PI4KA: variants seen among roughly 807,000 people sequenced by gnomAD.
The protein encoded by PI4KA is PI4-kinase alpha.
In PI4KA, 122 loss-of-function variants were observed where a neutral mutation model predicts 271.4. The ratio of observed to expected loss-of-function variants is 0.45; its 90% CI spans 0.39 to 0.52. The LOEUF (loss-of-function observed/expected upper bound fraction) is 0.52, where lower values mean the gene tolerates loss of function less well. Among genes scored for constraint, PI4KA ranks in the 20% least tolerant of loss-of-function variants. PI4KA has a pLI of 0.00. For synonymous variants in PI4KA, 1,041 were observed against 1,078.8 expected, an observed-to-expected ratio of 0.96 and a Z score of 0.69; for missense variants, 1,969 against 2,769.1, an observed-to-expected ratio of 0.71 and a Z score of 6.48.
chr22:20,834,184 C>A (rs1332810157), intron 3 of PI4KA, among the ~76,000 whole-genome samples: 1 of 152,090 alleles, frequency 6.6e-6, no homozygotes, highest in East Asian at 1.9e-4. Flanking sequence ...GCAATATAAT[C>A]TGGAAAACTG....
intron 7 of PI4KA, among the ~76,000 whole-genome samples, chr22:20,817,756 A>T (rs1469481682): frequency 1.4e-5 from 2 of 144,956 alleles, no homozygotes; most frequent in Non-Finnish European, 3.1e-5. Context: ...AAAAAAAAAA[A>T]AAAAAAAAAA....
rs1321116851 is a variant in PI4KA at position 20,721,320 on chromosome 22, A to G, written c.5094T>C (p.Asp1698=). The G allele has an allele frequency of 6.2e-7, 1 of 1,614,034 alleles. No individual in the cohort carries two copies. The part of the protein sequence containing the change: ...IWNMKTNIYL[D]EEGHQKDPDI... ...CACGGTCTTTCTGGTGGCCCTCTTC[A>G]TCTAGATAAATGTTAGTCTTCATGT... The change falls in exon 43 of 55, where the codon GAT becomes GAC. Residue 1698 remains aspartate (D), a synonymous_variant. Transcript: ENST00000255882.
At chr22:20,820,415 C>G in intron 5 of PI4KA, 124 bp downstream of exon 5, 1 of 675,658 alleles carries the variant, frequency 1.5e-6, no homozygotes, top group East Asian at 2.6e-5. Context: ...ACAAATCAAA[C>G]TAAAATAGGA....
At chr22:20,844,049 C>T (rs948305750) in intron 1 of PI4KA, among the ~76,000 whole-genome samples, 9 of 152,208 alleles carry the variant, frequency 5.9e-5, no homozygotes, top group Non-Finnish European at 1.3e-4. Context: ...TCAAAACTCT[C>T]AAACATTTTC....
intron 3 of PI4KA, among the ~76,000 whole-genome samples, chr22:20,834,211 G>A (rs150465292): frequency 2.2e-3 from 340 of 152,284 alleles, no homozygotes; most frequent in South Asian, 0.01. Flanking sequence ...CTCCAGGAGT[G>A]AGCCTATAAA....
chr22:20,729,056 T>A (rs1927689385), intron 39 of PI4KA, among the ~76,000 whole-genome samples: 1 of 152,200 alleles, frequency 6.6e-6, no homozygotes, highest in Non-Finnish European at 1.5e-5. Context: ...GGCTCTGAAT[T>A]CACCCTGCTG....
At chr22:20,780,043 A>G in intron 19 of PI4KA, 1 of 1,614,144 alleles carries the variant, frequency 6.2e-7, no homozygotes, top group Non-Finnish European at 8.5e-7. Flanking sequence ...AGAGAGTATT[A>G]CTTTGCTGAG....
intron 32 of PI4KA, among the ~76,000 whole-genome samples, chr22:20,738,297 G>T (rs1928977877): frequency 6.6e-6 from 1 of 152,204 alleles, no homozygotes; most frequent in South Asian, 2.1e-4. Flanking sequence ...GGGTTCAATG[G>T]ACAGGAGAGT....
At chr22:20,851,905 A>G (rs1249493641) in intron 1 of PI4KA, among the ~76,000 whole-genome samples, 1 of 152,200 alleles carries the variant, frequency 6.6e-6, no homozygotes, top group East Asian at 1.9e-4. Context: ...AGCAAATACA[A>G]AAATAAAAAT....
At chr22:20,844,486 T>C (rs1367438105) in intron 1 of PI4KA, among the ~76,000 whole-genome samples, 1 of 152,186 alleles carries the variant, frequency 6.6e-6, no homozygotes, top group Non-Finnish European at 1.5e-5. Context: ...TAATGTACAG[T>C]CACTCCCTCA....
At chr22:20,740,061 C>CAAAAAAAA (rs59323542) in intron 32 of PI4KA, among the ~76,000 whole-genome samples, 2 of 73,370 alleles carry the variant, frequency 2.7e-5, no homozygotes, top group East Asian at 4.3e-4. Context: ...GACCCCATCT[C>CAAAAAAAA]AAAAAAAAAA....
chr22:20,826,747 A>G (rs1402108892), intron 3 of PI4KA, among the ~76,000 whole-genome samples: 1 of 152,192 alleles, frequency 6.6e-6, no homozygotes, highest in East Asian at 1.9e-4. Flanking sequence ...AGCCATTCTG[A>G]CTGGTGTGAG....
At chr22:20,791,187 C>T (rs1373308348) in intron 19 of PI4KA, among the ~76,000 whole-genome samples, 1 of 152,104 alleles carries the variant, frequency 6.6e-6, no homozygotes, top group East Asian at 1.9e-4. Flanking sequence ...GACAACTGCT[C>T]AACATATTTG....
intron 1 of PI4KA, among the ~76,000 whole-genome samples, chr22:20,857,893 T>C (rs1007113710): frequency 9.2e-5 from 14 of 152,200 alleles, no homozygotes; most frequent in African/African-American, 3.4e-4. Context: ...CTGGCATGAC[T>C]TCACCTTTCT....
intron 51 of PI4KA, chr22:20,711,094 C>T: frequency 1.8e-6 from 1 of 553,562 alleles, no homozygotes; most frequent in South Asian, 2.0e-5. Flanking sequence ...TGGACCAGCC[C>T]CACTCCGCCC....
chr22:20,793,207 G>T lies in PI4KA; in HGVS notation c.2314C>A (p.Pro772Thr). Residue 772 changes from proline (P) to threonine (T), a missense_variant, in exon 19 of 55, where the codon CCT becomes ACT. Around this residue, in one of 13 missense-constraint regions of PI4KA, gnomAD observed 368 missense variants for 544.3 expected, o/e 0.68. Coordinates refer to ENST00000255882, the MANE Select transcript of PI4KA (RefSeq NM_058004.4). ...TGAATACTCACCACAGCTATTACAG[G>T]AATGAGTACTCCCAAGTTCCCTGCA... The part of the protein sequence containing the change: ...SSAGNLGVLI[P>T]VIAVLTRRLP... 6.4e-7 allele frequency: 1 copy of T among 1,568,032 alleles called. No individual in the cohort carries two copies. The highest frequency in any genetic ancestry group is 8.8e-7 in the Non-Finnish European group (1 of 1,138,336).
intron 19 of PI4KA, among the ~76,000 whole-genome samples, chr22:20,769,403 C>T (rs1932776980): frequency 6.6e-6 from 1 of 152,168 alleles, no homozygotes; most frequent in African/African-American, 2.4e-5. Flanking sequence ...GGTGTGGTGG[C>T]TCACGCCTGT....
rs117151217 is a variant in PI4KA at position 20,792,825 on chromosome 22, G to A, written c.2328+368C>T. Among the ~76,000 whole-genome samples, 1,329 of 152,316 alleles carry A rather than the reference G, an allele frequency of 8.7e-3. 11 individuals are homozygous for A. Among genetic ancestry groups the A allele is most frequent in the Admixed American group, 0.013 (199 of 15,312 alleles). Reference sequence around the variant, plus strand: ...GCTTCCAGGCCTGCACTTGTGGGAAGGAGCCAAGGAAGGGATGGAAGCAGG... The same window carrying A: ...GCTTCCAGGCCTGCACTTGTGGGAAAGAGCCAAGGAAGGGATGGAAGCAGG... On this transcript the variant is annotated intron_variant, in intron 19 of 54. Coordinates refer to ENST00000255882, the MANE Select transcript of PI4KA (RefSeq NM_058004.4).
intron 3 of PI4KA, among the ~76,000 whole-genome samples, chr22:20,825,271 A>T (rs1923259550): frequency 6.6e-6 from 1 of 152,084 alleles, no homozygotes; most frequent in African/African-American, 2.4e-5. Flanking sequence ...CCTTTTAGTA[A>T]TGATGCTCTA....
Sources: allele counts gnomAD v4.1 joint callset (sites outside exome capture counted in the v4.1 genomes callset), GRCh38; gene constraint gnomAD v4.1.1; regional missense constraint gnomAD v4.1.1; transcripts MANE v1.5; gene names NCBI Gene and HGNC (gene_info 2026-07-23, HGNC 2026-07-21).